SLC24A2: variants seen among roughly 807,000 people sequenced by gnomAD.
The protein encoded by SLC24A2 is sodium/potassium/calcium exchanger 2.
In SLC24A2, 36 loss-of-function variants were observed where a neutral mutation model predicts 62.0. The ratio of observed to expected loss-of-function variants is 0.58; its 90% confidence interval spans 0.44 to 0.77. The LOEUF (loss-of-function observed/expected upper bound fraction) is 0.77, where lower values mean the gene tolerates loss of function less well. SLC24A2 is among the 30% of genes least tolerant of loss of function. The probability of loss-of-function intolerance (pLI) is 0.00; values close to 1 mark genes in which losing one functional copy is unlikely to be tolerated. For missense variants in SLC24A2, 846 were observed against 817.9 expected, an observed-to-expected ratio of 1.03 and a Z score of -0.42; for synonymous variants, 358 against 294.0, an observed-to-expected ratio of 1.22 and a Z score of -2.23.
intron 2 of SLC24A2, among the ~76,000 whole-genome samples, chr9:19,695,960 G>C (rs546003017): frequency 5.9e-5 from 9 of 152,184 alleles, no homozygotes; most frequent in African/African-American, 2.2e-4. Flanking sequence ...TAAGGCAGGG[G>C]TCCCCAGTCC....
intron 2 of SLC24A2, among the ~76,000 whole-genome samples, chr9:19,747,838 T>TCAATCC (rs1349611311): frequency 6.6e-6 from 1 of 152,170 alleles, no homozygotes; most frequent in Non-Finnish European, 1.5e-5. Flanking sequence ...CTGCTCTGGG[T>TCAATCC]CAATCCATTT....
chr9:19,920,819 G>A, the SLC24A2 span, among the ~76,000 whole-genome samples: 1 of 152,162 alleles, frequency 6.6e-6, no homozygotes, highest in South Asian at 2.1e-4. Context: ...TATCGATCGG[G>A]AGCCGGATGT....
chr9:19,753,716 C>A (rs1353102876), intron 2 of SLC24A2, among the ~76,000 whole-genome samples: 1 of 152,202 alleles, frequency 6.6e-6, no homozygotes, highest in Non-Finnish European at 1.5e-5. Flanking sequence ...AAGTTATATT[C>A]CTTTAAAACT....
chr9:20,142,152 T>A, the SLC24A2 span, among the ~76,000 whole-genome samples: 2 of 152,114 alleles, frequency 1.3e-5, no homozygotes, highest in Non-Finnish European at 2.9e-5. Context: ...GCTTACTATT[T>A]CCCTTTTTAG....
intron 7 of SLC24A2, among the ~76,000 whole-genome samples, chr9:19,551,842 T>C (rs1006241): frequency 6.6e-6 from 1 of 152,014 alleles, no homozygotes; most frequent in Non-Finnish European, 1.5e-5. Context: ...ATGTATAGTG[T>C]TTTATACAAT....
chr9:20,134,366 A>T, the SLC24A2 span, among the ~76,000 whole-genome samples: 4 of 152,152 alleles, frequency 2.6e-5, no homozygotes, highest in African/African-American at 9.7e-5. Flanking sequence ...AAAAACAAAA[A>T]CAACAATAAC....
intron 9 of SLC24A2, among the ~76,000 whole-genome samples, chr9:19,521,993 G>C (rs1285713627): frequency 6.6e-6 from 1 of 151,032 alleles, no homozygotes; most frequent in Non-Finnish European, 1.5e-5. Flanking sequence ...TTGTCTTCTT[G>C]GGACTTTTTA....
intron 3 of SLC24A2, among the ~76,000 whole-genome samples, chr9:19,621,379 A>G (rs536283153): frequency 1.2e-4 from 18 of 152,278 alleles, no homozygotes; most frequent in African/African-American, 2.2e-4. Context: ...TGGGCTCTCA[A>G]TGAATGTTAT....
At chr9:20,201,214 T>C in the SLC24A2 span, among the ~76,000 whole-genome samples, 3 of 152,304 alleles carry the variant, frequency 2.0e-5, no homozygotes, top group South Asian at 4.2e-4. Flanking sequence ...AAGGGTTTTG[T>C]TTTGCCCCAA....
At chr9:19,800,116 A>C in the SLC24A2 span, among the ~76,000 whole-genome samples, 1 of 152,092 alleles carries the variant, frequency 6.6e-6, no homozygotes, top group Non-Finnish European at 1.5e-5. Context: ...CAGTCATTGG[A>C]TTTAGAGCCC....
the SLC24A2 span, among the ~76,000 whole-genome samples, chr9:20,211,524 A>G: frequency 2.6e-5 from 4 of 152,184 alleles, no homozygotes; most frequent in African/African-American, 4.8e-5. Context: ...AAAAAGAATA[A>G]TAACAATAAT....
chr9:19,521,267 C>T (rs1833186070), intron 9 of SLC24A2, among the ~76,000 whole-genome samples: 1 of 152,176 alleles, frequency 6.6e-6, no homozygotes, highest in Non-Finnish European at 1.5e-5. Context: ...GGAATGTTCA[C>T]ATGAAAATTA....
intron 7 of SLC24A2, among the ~76,000 whole-genome samples, chr9:19,567,223 T>C (rs922827554): frequency 1.3e-5 from 2 of 150,892 alleles, no homozygotes; most frequent in African/African-American, 4.9e-5. Context: ...CCAAACACTT[T>C]GCCATCATAC....
chr9:19,882,698 C>T, the SLC24A2 span, among the ~76,000 whole-genome samples: 1 of 151,448 alleles, frequency 6.6e-6, no homozygotes, highest in African/African-American at 2.4e-5. Flanking sequence ...TAGGTTTCCA[C>T]CACCCAGTCA....
At chr9:20,010,156 A>T in the SLC24A2 span, among the ~76,000 whole-genome samples, 4 of 152,286 alleles carry the variant, frequency 2.6e-5, no homozygotes, top group East Asian at 7.7e-4. Flanking sequence ...GAAGCAACCC[A>T]GCCCAACTTG....
the SLC24A2 span, among the ~76,000 whole-genome samples, chr9:20,268,520 G>C: frequency 6.6e-6 from 1 of 152,132 alleles, no homozygotes; most frequent in Non-Finnish European, 1.5e-5. Flanking sequence ...AGAGAGATCT[G>C]AGCTAGCACA....
At chr9:19,776,156 T>C (rs1375235813) in intron 2 of SLC24A2, among the ~76,000 whole-genome samples, 2 of 152,204 alleles carry the variant, frequency 1.3e-5, no homozygotes, top group African/African-American at 2.4e-5. Flanking sequence ...CAAAAACATT[T>C]GAAAGTCACT....
chr9:19,741,114 G>T (rs549906967), intron 2 of SLC24A2, among the ~76,000 whole-genome samples: 2 of 152,232 alleles, frequency 1.3e-5, no homozygotes, highest in African/African-American at 4.8e-5. Flanking sequence ...TAAAGGTTTG[G>T]TTTCTGCTGC....
chr9:19,797,183 T>C, the SLC24A2 span, among the ~76,000 whole-genome samples: 1 of 152,244 alleles, frequency 6.6e-6, no homozygotes, highest in Non-Finnish European at 1.5e-5. Flanking sequence ...TCTGAGATAA[T>C]GTAAGTTTCA....
Sources: allele counts gnomAD v4.1 joint callset (sites outside exome capture counted in the v4.1 genomes callset), GRCh38; gene constraint gnomAD v4.1.1; transcripts MANE v1.5; gene names NCBI Gene and HGNC (gene_info 2026-07-23, HGNC 2026-07-21).